UMAD1: variants seen among roughly 807,000 people sequenced by gnomAD.
UMAD1 encodes the protein UBAP1-MVB12-associated (UMA)-domain containing protein 1.
A neutral mutation model predicts 6.1 loss-of-function variants in UMAD1; 8 were observed. The ratio of observed to expected loss-of-function variants is 1.30; its 90% CI spans 0.76 to 2.35. The LOEUF is 2.35. Among genes scored for constraint, UMAD1 ranks in the 30% most tolerant of loss-of-function variants. The pLI is 0.00. For missense variants in UMAD1, 130 were observed against 78.4 expected (o/e 1.66, Z -2.49); for synonymous variants, 56 against 31.4 (o/e 1.78, Z -2.61).
At chr7:7,866,606 A>G (rs995196300) in intron 3 of UMAD1, among the ~76,000 whole-genome samples, 2 of 152,240 alleles carry the variant, frequency 1.3e-5, no homozygotes, top group African/African-American at 2.4e-5. Flanking sequence ...ATCTACATAC[A>G]TGTCTACTTT....
chr7:7,793,993 A>C (rs1029691001), intron 2 of UMAD1, among the ~76,000 whole-genome samples: 2 of 152,162 alleles, frequency 1.3e-5, no homozygotes, highest in African/African-American at 4.8e-5. Flanking sequence ...CTTAGATGCT[A>C]AAGTGCATTA....
intron 2 of UMAD1, among the ~76,000 whole-genome samples, chr7:7,798,820 C>T (rs1332425998): frequency 6.6e-6 from 1 of 152,226 alleles, no homozygotes; most frequent in Non-Finnish European, 1.5e-5. Flanking sequence ...CTGAGTGCCT[C>T]TGCCCCTTAG....
At chr7:7,821,528 A>T (rs1259227102) in intron 3 of UMAD1, among the ~76,000 whole-genome samples, 1 of 152,188 alleles carries the variant, frequency 6.6e-6, no homozygotes, top group African/African-American at 2.4e-5. Flanking sequence ...AATTCTTAAT[A>T]TGTACAGTAA....
At chr7:7,876,603 T>A (rs1052063394) in intron 3 of UMAD1, among the ~76,000 whole-genome samples, 13 of 152,204 alleles carry the variant, frequency 8.5e-5, no homozygotes, top group African/African-American at 2.4e-4. Context: ...TATCCTTTTT[T>A]AAAAAATTGC....
chr7:7,764,382 T>A (rs1317883030), intron 2 of UMAD1, among the ~76,000 whole-genome samples: 2 of 152,176 alleles, frequency 1.3e-5, no homozygotes, highest in South Asian at 2.1e-4. Context: ...AAAATAATTT[T>A]AAAAAATAAA....
rs36223422 is a variant in UMAD1, at chr7:7,746,955, TTGTGTGTGTGTG to T, written c.83-54693_83-54682del. 2.9e-3 allele frequency among the ~76,000 whole-genome samples: 433 copies of T among 148,618 alleles called. 4 individuals are homozygous for T. The highest frequency in any genetic ancestry group is 9.4e-3 in the African/African-American group (383 of 40,946). ...TATTTCTTTTAAGTGGAGTGCATGT[TTGTGTGTGTGTG>T]TGTGTGTGTGTGTGTGTGTGTCTGT... On this transcript the variant is annotated intron_variant, in intron 2 of 3. Coordinates refer to ENST00000682710, the MANE Select transcript of UMAD1 (RefSeq NM_001302348.2).
At chr7:7,646,735 G>A (rs1049648269) in intron 1 of UMAD1, among the ~76,000 whole-genome samples, 1 of 151,930 alleles carries the variant, frequency 6.6e-6, no homozygotes, top group African/African-American at 2.4e-5. Context: ...CTGTCCCATG[G>A]CCAATCTCCT....
chr7:7,771,272 G>A (rs1008151115), intron 2 of UMAD1, among the ~76,000 whole-genome samples: 2 of 152,134 alleles, frequency 1.3e-5, no homozygotes, highest in Non-Finnish European at 2.9e-5. Context: ...CTCATCACTT[G>A]TTGAGAACTT....
intron 1 of UMAD1, among the ~76,000 whole-genome samples, chr7:7,651,512 A>G (rs987052284): frequency 8.5e-5 from 13 of 152,084 alleles, no homozygotes; most frequent in Admixed American, 2.6e-4. Flanking sequence ...CCTCCTGTCC[A>G]TATTATTTTC....
At chr7:7,758,200 C>T (rs970272979) in intron 2 of UMAD1, among the ~76,000 whole-genome samples, 1 of 151,988 alleles carries the variant, frequency 6.6e-6, no homozygotes, top group African/African-American at 2.4e-5. Context: ...TGAGCCACCG[C>T]GTTTGGCCTT....
intron 1 of UMAD1, among the ~76,000 whole-genome samples, chr7:7,672,585 ATGT>A (rs1440707622): frequency 6.6e-6 from 1 of 152,146 alleles, no homozygotes; most frequent in Non-Finnish European, 1.5e-5. Flanking sequence ...GAGCCATTTC[ATGT>A]TGTTCTCGTG....
intron 3 of UMAD1, among the ~76,000 whole-genome samples, chr7:7,818,176 T>A (rs2115292680): frequency 6.6e-6 from 1 of 152,266 alleles, no homozygotes; most frequent in East Asian, 1.9e-4. Context: ...GTTGTTCCCC[T>A]CTATGTGTCT....
chr7:7,719,453 A>T (rs1007878211), intron 2 of UMAD1, among the ~76,000 whole-genome samples: 3 of 152,256 alleles, frequency 2.0e-5, no homozygotes, highest in African/African-American at 7.2e-5. Context: ...AGCCAGCTTC[A>T]GCCTCATGAG....
chr7:7,685,128 T>C (rs1391584438), intron 2 of UMAD1, among the ~76,000 whole-genome samples: 1 of 152,194 alleles, frequency 6.6e-6, no homozygotes, highest in African/African-American at 2.4e-5. Context: ...ACAGTATGAA[T>C]ATTCTACCTT....
intron 2 of UMAD1, among the ~76,000 whole-genome samples, chr7:7,693,323 C>CTATCTATG (rs1554315973): frequency 4.0e-4 from 61 of 152,086 alleles, no homozygotes; most frequent in African/African-American, 1.5e-3. Flanking sequence ...ATCTATCTAT[C>CTATCTATG]TATCTATCTA....
In UMAD1 at chr7:7,769,649, A is replaced by G. The variant is rs910293350; in HGVS notation, c.83-32021A>G. ...TTCTTTTTGGAGTGAAGGAAGACAG[A>G]GGGAAGGAGAGGGGAGTAGGGGGAA... On this transcript the variant is annotated intron_variant, in intron 2 of 3. Transcript: ENST00000682710. 2.0e-5 allele frequency among the ~76,000 whole-genome samples: 3 copies of G among 152,166 alleles called. 1 individual carries two copies. The highest frequency in any genetic ancestry group is 4.8e-5 in the African/African-American group (2 of 41,422).
At chr7:7,809,709 C>A (rs1399850103) in intron 3 of UMAD1, among the ~76,000 whole-genome samples, 1 of 151,978 alleles carries the variant, frequency 6.6e-6, no homozygotes, top group African/African-American at 2.4e-5. Context: ...CTACCCACTC[C>A]CTTCCCTCAG....
chr7:7,719,832 T>C (rs963326735), intron 2 of UMAD1, among the ~76,000 whole-genome samples: 7 of 152,228 alleles, frequency 4.6e-5, no homozygotes, highest in Non-Finnish European at 7.3e-5. Context: ...TTAAATTGTC[T>C]AGACTATTTA....
At chr7:7,708,971 G>A (rs1371906598) in intron 2 of UMAD1, among the ~76,000 whole-genome samples, 3 of 151,940 alleles carry the variant, frequency 2.0e-5, no homozygotes, top group Non-Finnish European at 2.9e-5. Flanking sequence ...GAGAAAGGGA[G>A]AGGAAGGGAG....
Sources: allele counts gnomAD v4.1 joint callset (sites outside exome capture counted in the v4.1 genomes callset), GRCh38; gene constraint gnomAD v4.1.1; transcripts MANE v1.5; gene names NCBI Gene and HGNC (gene_info 2026-07-23, HGNC 2026-07-21).